The following ANKRD33B variants were observed in gnomAD, a reference collection of about 807,000 sequenced individuals.
ANKRD33B encodes ankyrin repeat domain 33B.
ANKRD33B carries 6 observed loss-of-function variants against 21.5 expected under a neutral mutation model. The ratio of observed to expected loss-of-function variants is 0.28; its 90% CI spans 0.15 to 0.55. ANKRD33B has a LOEUF of 0.55. Among genes scored for constraint, ANKRD33B ranks in the 20% least tolerant of loss-of-function variants. The pLI is 0.94. For missense variants in ANKRD33B, 698 were observed against 747.2 expected (o/e 0.93, Z 0.77); for synonymous variants, 347 against 342.4 (o/e 1.01, Z -0.15).
At chr5:10,592,112 A>C (rs1385318070) in intron 1 of ANKRD33B, among the ~76,000 whole-genome samples, 2 of 151,470 alleles carry the variant, frequency 1.3e-5, no homozygotes. Context: ...ACTGCTCAGT[A>C]ATCAACTTTT....
At chr5:10,594,842 T>G (rs189290859) in intron 1 of ANKRD33B, among the ~76,000 whole-genome samples, 1 of 152,196 alleles carries the variant, frequency 6.6e-6, no homozygotes, top group East Asian at 1.9e-4. Context: ...TGACTGCCGT[T>G]GAGCGGGTAG....
chr5:10,573,447 A>C (rs1422384513), intron 1 of ANKRD33B, among the ~76,000 whole-genome samples: 1 of 150,644 alleles, frequency 6.6e-6, no homozygotes, highest in Non-Finnish European at 1.5e-5. Flanking sequence ...CAGCCTGGGC[A>C]ACAGAGCGAG....
In ANKRD33B at chr5:10,650,227, C is replaced by G. The variant is rs1210181363; in HGVS notation, c.*114C>G. 2 of 1,152,522 alleles carry G rather than the reference C, an allele frequency of 1.7e-6. No individual in the cohort carries two copies. Among genetic ancestry groups the G allele is most frequent in the South Asian group, 1.9e-5 (1 of 52,738 alleles). The allele number at this position is 1,152,522 out of a possible 1,614,324, so 71.4% of individuals were successfully genotyped here. A position where few individuals can be genotyped will look rare whatever the true frequency, so the allele number is the denominator to read the frequency against. On this transcript the variant is annotated 3_prime_UTR_variant, in exon 4 of 4. Transcript: ENST00000296657. ...ATCGCACCACTTCCGCTCCATGGAC[C>G]ACGGGGCTGCGCGCATTTCCAGGCT...
intron 1 of ANKRD33B, among the ~76,000 whole-genome samples, chr5:10,592,796 C>T (rs1398624312): frequency 6.6e-6 from 1 of 152,114 alleles, no homozygotes; most frequent in African/African-American, 2.4e-5. Flanking sequence ...GCAACCTGCT[C>T]ATCATAGCTA....
intron 2 of ANKRD33B, among the ~76,000 whole-genome samples, chr5:10,632,431 C>T (rs893692315): frequency 6.6e-6 from 1 of 152,164 alleles, no homozygotes; most frequent in Non-Finnish European, 1.5e-5. Flanking sequence ...CTCTTTGTGT[C>T]CCCCAACGAA....
chr5:10,648,905 A>G (rs1737250519), intron 3 of ANKRD33B, among the ~76,000 whole-genome samples: 1 of 152,082 alleles, frequency 6.6e-6, no homozygotes, highest in South Asian at 2.1e-4. Flanking sequence ...CGGAGGTGGG[A>G]GGATTGCTTG....
intron 1 of ANKRD33B, among the ~76,000 whole-genome samples, chr5:10,565,317 C>T (rs1476786278): frequency 6.6e-6 from 1 of 152,270 alleles, no homozygotes; most frequent in Non-Finnish European, 1.5e-5. Context: ...TGTCCTAACA[C>T]GCTGGGGCGC....
In ANKRD33B at chr5:10,650,007, A is replaced by ACAAGGAGGC. The variant is rs762884800; in HGVS notation, c.1388_1396dup (p.Ala463_Glu465dup). ...CACCTGCAGATCCCCAAGTGGCGGT[A>ACAAGGAGGC]CAAGGAGGCCAAGGAGGAGAAGAGG... On this transcript the variant is annotated inframe_insertion, in exon 4 of 4. Transcript: ENST00000296657. The ACAAGGAGGC allele has an allele frequency of 3.9e-6, 6 of 1,533,344 alleles. No homozygotes were observed. The East Asian group carries it at 1.2e-4, about 31-fold the overall frequency. The allele number at this position is 1,533,344 out of a possible 1,614,324, so 95.0% of individuals were successfully genotyped here. A position where few individuals can be genotyped will look rare whatever the true frequency, so the allele number is the denominator to read the frequency against.
In ANKRD33B at chr5:10,575,422, C is replaced by CAA. The variant is rs397780167; in HGVS notation, c.366+10604_366+10605dup. Reference sequence around the variant, plus strand: ...GCCTGGCAACAGAGCGAGACTGTCTCAAAAAAAAAAAAAAAAGAGTCTTAA... The same window carrying CAA: ...GCCTGGCAACAGAGCGAGACTGTCTCAAAAAAAAAAAAAAAAAAGAGTCTTAA... On this transcript the variant is annotated intron_variant, in intron 1 of 3. Transcript: ENST00000296657. Among the ~76,000 whole-genome samples, 873 of 116,736 alleles carry CAA rather than the reference C, an allele frequency of 7.5e-3. 22 individuals carry two copies. Among genetic ancestry groups the CAA allele is most frequent in the African/African-American group, 0.026 (833 of 31,530 alleles). The allele number at this position is 116,736 out of a possible 152,430, so 76.6% of individuals were successfully genotyped here.
intron 1 of ANKRD33B, among the ~76,000 whole-genome samples, chr5:10,609,268 A>G (rs377104600): frequency 2.6e-5 from 4 of 152,252 alleles, no homozygotes; most frequent in African/African-American, 9.6e-5. Flanking sequence ...ATTAAAAATT[A>G]TCAGCCAGGT....
At chr5:10,601,985 C>A (rs1316660509) in intron 1 of ANKRD33B, among the ~76,000 whole-genome samples, 1 of 152,222 alleles carries the variant, frequency 6.6e-6, no homozygotes, top group African/African-American at 2.4e-5. Flanking sequence ...CTGTAGGCAT[C>A]CAGGCCAGGA....
At chr5:10,639,916 T>A in intron 3 of ANKRD33B, among the ~76,000 whole-genome samples, 1 of 31,578 alleles carries the variant, frequency 3.2e-5, no homozygotes, top group African/African-American at 7.7e-5. Context: ...GCGGGTGACG[T>A]GGGGTTGCGC....
intron 1 of ANKRD33B, among the ~76,000 whole-genome samples, chr5:10,610,440 C>A (rs1348104338): frequency 6.6e-6 from 1 of 150,722 alleles, no homozygotes; most frequent in Non-Finnish European, 1.5e-5. Context: ...CCCCACATGT[C>A]AATAGTGCCC....
At chr5:10,575,847 C>T (rs533384847) in intron 1 of ANKRD33B, among the ~76,000 whole-genome samples, 14 of 151,934 alleles carry the variant, frequency 9.2e-5, no homozygotes, top group African/African-American at 2.2e-4. Context: ...TGGGGCCGAG[C>T]GTGGGGAGGG....
At chr5:10,618,184 T>A in intron 1 of ANKRD33B, 149 bp from the exon 2 acceptor site, 1 of 1,109,942 alleles carries the variant, frequency 9.0e-7, no homozygotes, top group Non-Finnish European at 1.3e-6. Flanking sequence ...TGGCTCACTC[T>A]AAACCATCTC....
At chr5:10,641,307 C>T (rs1028935501) in intron 3 of ANKRD33B, among the ~76,000 whole-genome samples, 3 of 148,608 alleles carry the variant, frequency 2.0e-5, no homozygotes, top group African/African-American at 7.5e-5. Context: ...CGGCTCACTG[C>T]AACCTCCACC....
At chr5:10,604,811 T>G (rs915210526) in intron 1 of ANKRD33B, among the ~76,000 whole-genome samples, 26 of 152,386 alleles carry the variant, frequency 1.7e-4, no homozygotes, top group African/African-American at 6.0e-4. Context: ...GTAACTGGAT[T>G]TTGTCATTAT....
At chr5:10,611,461 C>G (rs774218396) in intron 1 of ANKRD33B, among the ~76,000 whole-genome samples, 27 of 152,196 alleles carry the variant, frequency 1.8e-4, no homozygotes, top group Non-Finnish European at 2.5e-4. Flanking sequence ...TTCCCCAACA[C>G]TGATCTGTGG....
At chr5:10,645,625 C>G (rs1737173574) in intron 3 of ANKRD33B, among the ~76,000 whole-genome samples, 1 of 152,194 alleles carries the variant, frequency 6.6e-6, no homozygotes, top group South Asian at 2.1e-4. Flanking sequence ...ACAGTGGTTT[C>G]CTCCTGTCCA....
Sources: allele counts gnomAD v4.1 joint callset (sites outside exome capture counted in the v4.1 genomes callset), GRCh38; gene constraint gnomAD v4.1.1; transcripts MANE v1.5; gene names NCBI Gene and HGNC (gene_info 2026-07-23, HGNC 2026-07-21).